HLA-F: variants seen among roughly 807,000 people sequenced by gnomAD.
HLA-F encodes the protein major histocompatibility complex, class I, F.
In HLA-F, 46 loss-of-function variants were observed where a neutral mutation model predicts 49.5. The observed-to-expected ratio is 0.93, with a 90% CI of 0.73 to 1.19. The LOEUF (loss-of-function observed/expected upper bound fraction) is 1.19. HLA-F is among the 50% of genes most tolerant of loss of function. The probability of loss-of-function intolerance (pLI) is 0.00; values close to 1 mark genes in which losing one functional copy is unlikely to be tolerated. For missense variants in HLA-F, 496 were observed against 579.6 expected (o/e 0.86, Z 1.48); for synonymous variants, 203 against 233.5 (o/e 0.87, Z 1.19).
chr6:29,734,803 A>G (rs1171914223), intron 3 of HLA-F, among the ~76,000 whole-genome samples: 1 of 152,146 alleles, frequency 6.6e-6, no homozygotes, highest in Non-Finnish European at 1.5e-5. Context: ...ACTCTGCACC[A>G]TTAAGCAGTC....
In HLA-F at chr6:29,726,023, G is replaced by A; in HGVS notation, c.1016G>A (p.Gly339Glu). 2 of 1,614,076 alleles carry A rather than the reference G, an allele frequency of 1.2e-6. No individual in the cohort carries two copies. Among genetic ancestry groups the A allele is most frequent in the East Asian group, 2.2e-5 (1 of 44,884 alleles). The part of the protein sequence containing the change: ...WRKKSSDRNR[G>E]SYSQAAAYSV... ...TTTCTTCCCATAGATAGAAACAGAG[G>A]GAGCTACTCTCAGGCTGCAGGTAAG... The change falls in exon 6 of 7, where the codon GGG (glycine) becomes GAG (glutamate). Residue 339 changes from glycine (G) to glutamate (E), a missense_variant. By Grantham distance (98) the Gly-to-Glu change is moderately conservative (BLOSUM62 -2). Transcript: ENST00000259951.
chr6:29,735,228 ATAT>A (rs1776956339), intron 3 of HLA-F: 1 of 149,424 alleles, frequency 6.7e-6, no homozygotes, highest in African/African-American at 2.4e-5. Context: ...AAAAATATAC[ATAT>A]TACTACTAGC....
In HLA-F at chr6:29,725,122, C is replaced by G; in HGVS notation, c.702C>G (p.Ile234Met). ...CWALGFYPAE[I>M]TLTWQRDGEE... ...CCCTGGGCTTCTACCCTGCGGAGAT[C>G]ACGCTGACCTGGCAGCGGGATGGGG... Residue 234 changes from isoleucine to methionine, a missense_variant, in exon 4 of 7, where the codon ATC (isoleucine) becomes ATG (methionine). Coordinates refer to ENST00000259951, the MANE Select transcript of HLA-F (RefSeq NM_001098479.2). 1 of 1,614,126 alleles carries G rather than the reference C, an allele frequency of 6.2e-7. No homozygotes were observed. The highest frequency in any genetic ancestry group is 1.1e-5 in the South Asian group (1 of 91,082).
chr6:29,723,812 G>T lies in HLA-F; in HGVS notation c.219G>T (p.Val73=). The T allele has an allele frequency of 6.2e-7, 1 of 1,604,576 alleles. No homozygotes were observed. ...IPRMEPREPW[V]EQEGPQYWEW... is the part of the protein sequence containing the mutation. Reference sequence around the variant, plus strand: ...GGATGGAGCCGCGGGAGCCGTGGGTGGAGCAAGAGGGGCCGCAGTATTGGG... The same window carrying T: ...GGATGGAGCCGCGGGAGCCGTGGGTTGAGCAAGAGGGGCCGCAGTATTGGG... Residue 73 remains valine (V), a synonymous_variant, in exon 2 of 7, where the codon GTG becomes GTT. Transcript: ENST00000259951.
chr6:29,725,524 G>C lies in HLA-F; in HGVS notation c.964G>C (p.Ala322Pro), dbSNP rs376223760. 16 of 1,614,050 alleles carry C rather than the reference G, an allele frequency of 9.9e-6. No individual in the cohort carries two copies. Among genetic ancestry groups the C allele is most frequent in the Middle Eastern group, 1.6e-4 (1 of 6,084 alleles). Reference protein sequence around the residue: ...LVVLGAVVTGAVVAAVMWRKK... With the variant: ...LVVLGAVVTGPVVAAVMWRKK... ...TGTCCTTGGAGCTGTGGTCACTGGAGCTGTGGTCGCTGCTGTGATGTGGAG... is the reference window on the plus strand; with the variant it reads ...TGTCCTTGGAGCTGTGGTCACTGGACCTGTGGTCGCTGCTGTGATGTGGAG... Residue 322 changes from alanine to proline, a missense_variant, in exon 5 of 7, where the codon GCT becomes CCT. By Grantham distance (27) the Ala-to-Pro change is conservative. Coordinates refer to ENST00000259951, the MANE Select transcript of HLA-F (RefSeq NM_001098479.2).
At chr6:29,735,809 T>A (rs1777039993) in intron 3 of HLA-F, 1 of 152,186 alleles carries the variant, frequency 6.6e-6, no homozygotes, top group Non-Finnish European at 1.5e-5. Context: ...CTTGATGTTG[T>A]CTCACAGATC....
chr6:29,732,383 A>G (rs1456408872), intron 3 of HLA-F, among the ~76,000 whole-genome samples: 2 of 152,186 alleles, frequency 1.3e-5, no homozygotes, highest in East Asian at 1.9e-4. Flanking sequence ...ATCTAAAAGA[A>G]CTCAGTTACA....
downstream of HLA-F, among the ~76,000 whole-genome samples, chr6:29,730,846 C>A (rs1191841393): frequency 6.6e-6 from 1 of 151,780 alleles, no homozygotes; most frequent in Non-Finnish European, 1.5e-5. Context: ...CATAGGACCC[C>A]TGTGGCCTCA....
intron 5 of HLA-F, 132 bp downstream of exon 5, chr6:29,725,695 T>C: frequency 1.3e-6 from 1 of 780,674 alleles, no homozygotes; most frequent in Non-Finnish European, 2.2e-6. Context: ...GCCTGGGCCC[T>C]GTGTGCCAGC....
chr6:29,733,237 T>C (rs1274020811), intron 3 of HLA-F, among the ~76,000 whole-genome samples: 1 of 151,924 alleles, frequency 6.6e-6, no homozygotes, highest in East Asian at 1.9e-4. Context: ...AAAATGGAAA[T>C]CAGCACCACG....
chr6:29,725,863 C>A, intron 5 of HLA-F, 148 bp from the exon 6 acceptor site: 1 of 893,302 alleles, frequency 1.1e-6, no homozygotes, highest in South Asian at 1.5e-5. Context: ...GGACCCACAT[C>A]TGCTTTCTTC....
At position 29,725,099 on chromosome 6, in the gene HLA-F, C is replaced by G. The variant is rs757146567; in HGVS notation, c.679C>G (p.Leu227Val). 1.4e-5 allele frequency: 23 copies of G among 1,614,072 alleles called. No individual in the cohort carries two copies. The highest frequency in any genetic ancestry group is 1.9e-5 in the Non-Finnish European group (22 of 1,179,934). The change falls in exon 4 of 7, where the codon CTG (leucine) becomes GTG (valine). Residue 227 changes from leucine to valine, a missense_variant. Coordinates refer to ENST00000259951, the MANE Select transcript of HLA-F (RefSeq NM_001098479.2). ...TGAGGCCACCCTGAGGTGCTGGGCC[C>G]TGGGCTTCTACCCTGCGGAGATCAC... Reference protein sequence around the residue: ...DHEATLRCWALGFYPAEITLT... With the variant: ...DHEATLRCWAVGFYPAEITLT...
intron 3 of HLA-F, chr6:29,736,628 T>G: frequency 3.1e-6 from 1 of 318,162 alleles, no homozygotes; most frequent in Admixed American, 4.7e-5. Flanking sequence ...CACCATTGGG[T>G]TCTACTTGGT....
chr6:29,731,231 A>ATAGATG (rs1562301955), downstream of HLA-F, among the ~76,000 whole-genome samples: 950 of 38,108 alleles, frequency 0.025, 9 homozygotes, highest in Admixed American at 0.054. Context: ...GTAGATGGAT[A>ATAGATG]CATAGATAGA....
chr6:29,732,001 G>C (rs1403701387), downstream of HLA-F, among the ~76,000 whole-genome samples: 1 of 152,142 alleles, frequency 6.6e-6, no homozygotes, highest in Non-Finnish European at 1.5e-5. Context: ...TTCTCACTCT[G>C]TAGCCCGGTC....
chr6:29,724,137 G>T (rs767186740), intron 2 of HLA-F, 36 bp from the exon 3 acceptor site: 2 of 1,611,250 alleles, frequency 1.2e-6, no homozygotes, highest in African/African-American at 2.7e-5. Context: ...AGGGGGCGGG[G>T]CTAGCTGGGC....
chr6:29,724,533 A>C, intron 3 of HLA-F, 85 bp downstream of exon 3: 2 of 1,352,946 alleles, frequency 1.5e-6, no homozygotes, highest in Non-Finnish European at 2.1e-6. Flanking sequence ...AGTGGACCCA[A>C]TGCTAGGATA....
chr6:29,734,467 G>T lies in HLA-F; in HGVS notation c.404-3655G>T, dbSNP rs558308014. 6.2e-4 allele frequency among the ~76,000 whole-genome samples: 95 copies of T among 152,260 alleles called. 1 individual carries two copies. The highest frequency in any genetic ancestry group is 1.6e-3 in the African/African-American group (68 of 41,532). ...TCCAAGACAGAAAGTCATTTTGGGG[G>T]TTGGGTCTGGCTGATCTGGGAGTGT... On this transcript the variant is annotated intron_variant, in intron 3 of 4. Coordinates refer to the HLA-F transcript ENST00000465459.
chr6:29,725,992 G>T lies in HLA-F; in HGVS notation c.1004-19G>T, dbSNP rs1265063975. The T allele has an allele frequency of 9.3e-6, 15 of 1,613,876 alleles. No individual in the cohort carries two copies. Among genetic ancestry groups the T allele is most frequent in the Non-Finnish European group, 1.3e-5 (15 of 1,179,894 alleles). ...CCTGCCTCCTTTCTGGCCTCTCACAGGACATTTTCTTCCCATAGATAGAAA... is the reference window on the plus strand; with the variant it reads ...CCTGCCTCCTTTCTGGCCTCTCACATGACATTTTCTTCCCATAGATAGAAA... On this transcript the variant is annotated intron_variant, in intron 5 of 6. Coordinates refer to ENST00000259951, the MANE Select transcript of HLA-F (RefSeq NM_001098479.2).
Sources: allele counts gnomAD v4.1 joint callset (sites outside exome capture counted in the v4.1 genomes callset), GRCh38; gene constraint gnomAD v4.1.1; transcripts MANE v1.5; gene names NCBI Gene and HGNC (gene_info 2026-07-23, HGNC 2026-07-21).